CHODL: variants seen among roughly 807,000 people sequenced by gnomAD.
CHODL encodes the protein transmembrane protein MT75.
Under a neutral mutation model 34.5 loss-of-function variants are expected in CHODL, and 29 were observed. The observed-to-expected ratio is 0.84, with a 90% confidence interval of 0.63 to 1.15. CHODL has a LOEUF of 1.15. Among genes scored for constraint, CHODL ranks in the 50% most tolerant of loss-of-function variants. The pLI is 0.00. For synonymous variants in CHODL, 125 were observed against 116.1 expected (o/e 1.08, Z -0.49); for missense variants, 332 against 332.5 (o/e 1.00, Z 0.01).
intron 2 of CHODL, among the ~76,000 whole-genome samples, chr21:18,115,946 T>C (rs1003705002): frequency 2.0e-5 from 3 of 152,134 alleles, no homozygotes; most frequent in African/African-American, 7.2e-5. Context: ...TTCAGTGGCA[T>C]TGGATTTTTT....
intron 1 of CHODL, among the ~76,000 whole-genome samples, chr21:18,012,744 G>C (rs1170855340): frequency 2.6e-5 from 4 of 152,182 alleles, no homozygotes; most frequent in African/African-American, 9.7e-5. Flanking sequence ...GAAGAAGAAG[G>C]ATTATGTTTC....
chr21:18,017,965 G>A (rs2064091420), intron 1 of CHODL, among the ~76,000 whole-genome samples: 1 of 152,220 alleles, frequency 6.6e-6, no homozygotes. Context: ...GGAGTCAAAG[G>A]AGATTACCTT....
At chr21:18,246,032 C>G in intron 1 of CHODL, 1 of 1,106,574 alleles carries the variant, frequency 9.0e-7, no homozygotes, top group Non-Finnish European at 1.3e-6. Flanking sequence ...TGGCAAGCTT[C>G]CCAGGTTGTC....
rs1248547889 is a variant in CHODL at position 18,267,159 on chromosome 21, A to AAGG, written c.*1122_*1123insGGA. On this transcript the variant is annotated 3_prime_UTR_variant, in exon 6 of 6. Transcript: ENST00000299295. ...ATTTTAGGAAGGAAAGGAACTACGA[A>AAGG]ATCGTGTGAAAATGGGTTGGAACCC... The AAGG allele has an allele frequency of 6.6e-6, 1 of 152,208 alleles. No individual in the cohort carries two copies. The highest frequency in any genetic ancestry group is 2.1e-4 in the South Asian group (1 of 4,836). 9.4% of individuals were successfully genotyped at this position (152,208 alleles called of 1,614,324 possible).
intron 2 of CHODL, among the ~76,000 whole-genome samples, chr21:18,064,536 T>C (rs1163586447): frequency 6.6e-6 from 1 of 152,204 alleles, no homozygotes; most frequent in Non-Finnish European, 1.5e-5. Flanking sequence ...CATTGGTCTT[T>C]TCCTGCCTTT....
chr21:18,243,311 C>T (rs1438753603), upstream of CHODL, among the ~76,000 whole-genome samples: 1 of 152,180 alleles, frequency 6.6e-6, no homozygotes, highest in African/African-American at 2.4e-5. Flanking sequence ...GTTTCCGGGG[C>T]TGAGCTATAG....
chr21:17,971,525 A>G (rs369105324), intron 1 of CHODL, among the ~76,000 whole-genome samples: 2 of 152,194 alleles, frequency 1.3e-5, no homozygotes, highest in East Asian at 1.9e-4. Flanking sequence ...GGCCACATAC[A>G]TGTCTTCTTT....
intron 2 of CHODL, among the ~76,000 whole-genome samples, chr21:18,191,859 G>T (rs908820114): frequency 6.6e-6 from 1 of 152,118 alleles, no homozygotes; most frequent in East Asian, 1.9e-4. Flanking sequence ...TTTGTGCTAC[G>T]TTAGTAAGTT....
At chr21:18,227,361 A>T (rs1349883993) in intron 2 of CHODL, among the ~76,000 whole-genome samples, 2 of 152,296 alleles carry the variant, frequency 1.3e-5, no homozygotes, top group Non-Finnish European at 1.5e-5. Flanking sequence ...TGAAACCAAG[A>T]TTCTAAACAT....
At chr21:18,215,608 T>C (rs1283842431) in intron 2 of CHODL, among the ~76,000 whole-genome samples, 1 of 152,208 alleles carries the variant, frequency 6.6e-6, no homozygotes, top group Non-Finnish European at 1.5e-5. Flanking sequence ...ATTAATGCTT[T>C]TTCTTTCAGT....
chr21:18,130,725 C>T (rs1028567399), intron 2 of CHODL, among the ~76,000 whole-genome samples: 1 of 151,814 alleles, frequency 6.6e-6, no homozygotes, highest in East Asian at 1.9e-4. Flanking sequence ...GGATATTACC[C>T]CCAAATTTTA....
At chr21:18,027,115 G>A (rs1264136618) in intron 1 of CHODL, among the ~76,000 whole-genome samples, 1 of 150,830 alleles carries the variant, frequency 6.6e-6, no homozygotes, top group Non-Finnish European at 1.5e-5. Context: ...CTATTACTAT[G>A]AAAAAAAAAT....
At chr21:18,056,509 C>T (rs928879580) in intron 2 of CHODL, among the ~76,000 whole-genome samples, 1 of 150,538 alleles carries the variant, frequency 6.6e-6, no homozygotes. Flanking sequence ...GGGGCATTCC[C>T]TAAGGTGTTA....
chr21:17,985,128 T>G (rs954879414), intron 1 of CHODL, among the ~76,000 whole-genome samples: 7 of 152,290 alleles, frequency 4.6e-5, no homozygotes, highest in Admixed American at 1.3e-4. Flanking sequence ...TATAGATTAT[T>G]TTGGAGAAAA....
intron 2 of CHODL, among the ~76,000 whole-genome samples, chr21:18,160,323 CT>C (rs2073081388): frequency 6.6e-6 from 1 of 152,026 alleles, no homozygotes; most frequent in South Asian, 2.1e-4. Flanking sequence ...TATTCCTTTT[CT>C]TTTTTCTCTT....
chr21:18,046,236 T>C (rs906491650), intron 2 of CHODL, among the ~76,000 whole-genome samples: 3 of 151,892 alleles, frequency 2.0e-5, no homozygotes, highest in Admixed American at 1.3e-4. Flanking sequence ...ATTTTTATTA[T>C]GAGTCATGGG....
chr21:18,092,111 G>T (rs1372907954), intron 2 of CHODL, among the ~76,000 whole-genome samples: 1 of 152,102 alleles, frequency 6.6e-6, no homozygotes, highest in East Asian at 1.9e-4. Flanking sequence ...AATGTTGGTG[G>T]CCACGGAAAT....
chr21:17,976,726 G>A (rs962588482), intron 1 of CHODL, among the ~76,000 whole-genome samples: 2 of 151,918 alleles, frequency 1.3e-5, no homozygotes, highest in Non-Finnish European at 2.9e-5. Flanking sequence ...TTTATATTTT[G>A]TTTTTTAAAT....
At chr21:18,241,777 T>C (rs190721502), upstream of CHODL, among the ~76,000 whole-genome samples, 134 of 152,332 alleles carry the variant, frequency 8.8e-4, no homozygotes, top group African/African-American at 3.1e-3. Context: ...TTAAGAGTCC[T>C]GATATCACTT....
Sources: allele counts gnomAD v4.1 joint callset (sites outside exome capture counted in the v4.1 genomes callset), GRCh38; gene constraint gnomAD v4.1.1; transcripts MANE v1.5; gene names NCBI Gene and HGNC (gene_info 2026-07-23, HGNC 2026-07-21).